ZCWPW2: variants seen among roughly 807,000 people sequenced by gnomAD.
The protein encoded by ZCWPW2 is zinc finger CW-type PWWP domain protein 2.
In ZCWPW2, 45 loss-of-function variants were observed where a neutral mutation model predicts 46.6. That is an observed-to-expected ratio of 0.96 (90% CI 0.76 to 1.24). ZCWPW2 has a LOEUF of 1.24. Ranked by LOEUF, ZCWPW2 falls within the 50% of genes most tolerant of loss-of-function variation. ZCWPW2 has a pLI of 0.00. For missense variants in ZCWPW2, 429 were observed against 403.9 expected (o/e 1.06, Z -0.53); for synonymous variants, 152 against 137.1 (o/e 1.11, Z -0.76).
chr3:28,388,569 A>G (rs117825320), intron 1 of ZCWPW2, among the ~76,000 whole-genome samples: 2 of 152,352 alleles, frequency 1.3e-5, no homozygotes, highest in East Asian at 3.9e-4. Flanking sequence ...ATACTATGAC[A>G]TAAAGTCAGT....
At chr3:28,510,003 G>T (rs1365711560) in intron 6 of ZCWPW2, among the ~76,000 whole-genome samples, 1 of 152,140 alleles carries the variant, frequency 6.6e-6, no homozygotes, top group African/African-American at 2.4e-5. Context: ...GTGAGGTACA[G>T]GTTGAACTTC....
chr3:28,468,998 T>G (rs1477860436), intron 4 of ZCWPW2, among the ~76,000 whole-genome samples: 1 of 152,054 alleles, frequency 6.6e-6, no homozygotes, highest in African/African-American at 2.4e-5. Flanking sequence ...TCAAAAATAG[T>G]AACTGCAACA....
intron 6 of ZCWPW2, among the ~76,000 whole-genome samples, chr3:28,505,489 C>T (rs1700251756): frequency 6.6e-6 from 1 of 152,130 alleles, no homozygotes; most frequent in African/African-American, 2.4e-5. Flanking sequence ...TAATCCTCCC[C>T]TCTTTTTCAA....
rs145967738 is a variant in ZCWPW2, at chr3:28,487,876, G to A, written c.611-4251G>A. On this transcript the variant is annotated intron_variant, in intron 5 of 9. Transcript: ENST00000383768. Reference sequence around the variant, plus strand: ...CATAGATAGTAAAGGATGGCTAGACGGGGCTGGAGTTGAGTATTTTGCTTC... The same window carrying A: ...CATAGATAGTAAAGGATGGCTAGACAGGGCTGGAGTTGAGTATTTTGCTTC... Among the ~76,000 whole-genome samples, 647 of 152,112 alleles carry A rather than the reference G, an allele frequency of 4.3e-3. 11 individuals carry two copies. The highest frequency in any genetic ancestry group is 0.015 in the African/African-American group (622 of 41,488).
intron 4 of ZCWPW2, among the ~76,000 whole-genome samples, chr3:28,436,245 C>G (rs904679844): frequency 1.3e-5 from 2 of 150,944 alleles, no homozygotes; most frequent in Non-Finnish European, 2.9e-5. Flanking sequence ...GCAAATCATG[C>G]TTTCATTAAA....
chr3:28,496,144 A>T (rs986151511), intron 6 of ZCWPW2, among the ~76,000 whole-genome samples: 1 of 152,070 alleles, frequency 6.6e-6, no homozygotes, highest in African/African-American at 2.4e-5. Flanking sequence ...ACACTTGGTA[A>T]CATTTTCAAC....
intron 8 of ZCWPW2, among the ~76,000 whole-genome samples, chr3:28,515,849 T>C (rs1700552495): frequency 6.6e-6 from 1 of 152,146 alleles, no homozygotes; most frequent in Admixed American, 6.6e-5. Flanking sequence ...TGAATCATTT[T>C]TGTTACTGAT....
At chr3:28,506,031 A>T (rs961044598) in intron 6 of ZCWPW2, among the ~76,000 whole-genome samples, 1 of 149,552 alleles carries the variant, frequency 6.7e-6, no homozygotes, top group Admixed American at 6.7e-5. Context: ...ATTAAAGGCA[A>T]TTCTGTCATT....
At chr3:28,357,797 TTATATA>T (rs3068920) in intron 1 of ZCWPW2, among the ~76,000 whole-genome samples, 9 of 140,424 alleles carry the variant, frequency 6.4e-5, no homozygotes, top group African/African-American at 2.1e-4. Context: ...TTGGTATATT[TTATATA>T]TATATATATA....
chr3:28,413,316 A>G lies in ZCWPW2; in HGVS notation c.248A>G (p.Gln83Arg), dbSNP rs201709877. The G allele has an allele frequency of 1.1e-5, 18 of 1,613,182 alleles. No individual in the cohort carries two copies. Among genetic ancestry groups the G allele is most frequent in the African/African-American group, 2.7e-5 (2 of 74,888 alleles). Reference sequence around the variant, plus strand: ...GAAGAAGACTTCCCTGAAGAGTCTCAGCTTCATCAGTGTGGATTTAAGATT... The same window carrying G: ...GAAGAAGACTTCCCTGAAGAGTCTCGGCTTCATCAGTGTGGATTTAAGATT... ...ISEEDFPEES[Q>R]LHQCGFKIVY... The change falls in exon 3 of 10, where the codon CAG (glutamine) becomes CGG (arginine). Residue 83 changes from glutamine (Q) to arginine (R), a missense_variant. Gln to Arg is a conservative substitution (Grantham distance 43). Coordinates refer to ENST00000383768, the MANE Select transcript of ZCWPW2 (RefSeq NM_001040432.4).
intron 2 of ZCWPW2, among the ~76,000 whole-genome samples, chr3:28,396,317 T>A (rs930068044): frequency 4.6e-5 from 7 of 152,196 alleles, no homozygotes; most frequent in Admixed American, 2.6e-4. Context: ...ATTACAAAAA[T>A]TTAATCCATA....
intron 4 of ZCWPW2, among the ~76,000 whole-genome samples, chr3:28,466,836 G>A (rs1289154352): frequency 6.6e-6 from 1 of 151,870 alleles, no homozygotes; most frequent in Non-Finnish European, 1.5e-5. Flanking sequence ...ATGAGTAAAT[G>A]GAAAGATATA....
intron 8 of ZCWPW2, among the ~76,000 whole-genome samples, chr3:28,516,012 A>T (rs1700557247): frequency 6.6e-6 from 1 of 151,850 alleles, no homozygotes; most frequent in Non-Finnish European, 1.5e-5. Context: ...AGGCCAAAGC[A>T]GGAAGATGAC....
intron 4 of ZCWPW2, among the ~76,000 whole-genome samples, chr3:28,445,139 G>C (rs930425728): frequency 2.0e-5 from 3 of 150,232 alleles, no homozygotes; most frequent in Non-Finnish European, 4.4e-5. Flanking sequence ...TAGAGGGATG[G>C]AACTAATAGG....
chr3:28,491,997 G>T, intron 5 of ZCWPW2, 130 bp from the exon 6 acceptor site: 1 of 860,654 alleles, frequency 1.2e-6, no homozygotes, highest in South Asian at 1.8e-5. Flanking sequence ...ATTAATTAAA[G>T]GGACAACGGG....
intron 2 of ZCWPW2, among the ~76,000 whole-genome samples, chr3:28,393,664 C>T (rs1043468029): frequency 3.9e-5 from 6 of 152,036 alleles, no homozygotes; most frequent in African/African-American, 1.2e-4. Flanking sequence ...TTATATGCCA[C>T]ATTGACAGAA....
Position 28,404,845 on chromosome 3 carries a change from A to C in ZCWPW2, c.-13-8211A>C, listed in dbSNP as rs563874969. The stretch of plus-strand genomic sequence containing the variant: ...CTAATCTATGAGGATGCAAAGGGAT[A>C]AGAATGACACAATGGACTTTGGGGA... On this transcript the variant is annotated intron_variant, in intron 2 of 9. Coordinates refer to ENST00000383768, the MANE Select transcript of ZCWPW2 (RefSeq NM_001040432.4). Among the ~76,000 whole-genome samples the C allele has an allele frequency of 2.6e-4, 40 of 152,298 alleles. No homozygotes were observed. The South Asian group carries it at 6.4e-3, about 24-fold the overall frequency.
intron 4 of ZCWPW2, among the ~76,000 whole-genome samples, chr3:28,467,497 ATAGGCAG>A (rs137856926): frequency 0.028 from 4,159 of 150,744 alleles, 241 homozygotes; most frequent in African/African-American, 0.09. Context: ...TTGAGAGAAC[ATAGGCAG>A]TAGCCAGGTA....
intron 2 of ZCWPW2, among the ~76,000 whole-genome samples, chr3:28,401,905 T>C (rs1695956539): frequency 1.3e-5 from 2 of 151,844 alleles, no homozygotes; most frequent in South Asian, 2.1e-4. Context: ...TATCAAAACC[T>C]CTGGGATACA....
Sources: gnomAD v4.1 joint callset for allele counts (sites outside exome capture counted in the v4.1 genomes callset) on GRCh38, gnomAD v4.1.1 for gene constraint, MANE v1.5 for transcripts, NCBI Gene and HGNC (gene_info 2026-07-23, HGNC 2026-07-21) for gene names.